The following DDX60 variants were observed in gnomAD, a reference collection of about 807,000 sequenced individuals.
DDX60 encodes the protein DExD/H-box helicase 60.
DDX60 carries 165 observed loss-of-function variants against 212.8 expected under a neutral mutation model. That is an observed-to-expected ratio of 0.78 (90% confidence interval 0.68 to 0.88). The LOEUF (loss-of-function observed/expected upper bound fraction) is 0.88, where lower values mean the gene tolerates loss of function less well. Among genes scored for constraint, DDX60 ranks in the 40% least tolerant of loss-of-function variants. The pLI, the probability that DDX60 is intolerant of heterozygous loss-of-function variation, is 0.00. For synonymous variants in DDX60, 703 were observed against 685.3 expected, an observed-to-expected ratio of 1.03 and a Z score of -0.40; for missense variants, 1,905 against 2,003.9, an observed-to-expected ratio of 0.95 and a Z score of 0.94.
At chr4:168,231,475 A>G (rs554458495) in intron 33 of DDX60, among the ~76,000 whole-genome samples, 3 of 152,170 alleles carry the variant, frequency 2.0e-5, no homozygotes, top group African/African-American at 7.2e-5. Flanking sequence ...ACAAAATACT[A>G]GCAAACAGAA....
At chr4:168,227,308 T>C (rs1733292241) in intron 33 of DDX60, among the ~76,000 whole-genome samples, 1 of 151,950 alleles carries the variant, frequency 6.6e-6, no homozygotes, top group Non-Finnish European at 1.5e-5. Flanking sequence ...TTGTATTTTC[T>C]AGGAATTTGC....
At position 168,311,039 on chromosome 4, in the gene DDX60, C is replaced by T. The variant is rs761843972; in HGVS notation, c.33G>A (p.Gln11=). The T allele has an allele frequency of 9.5e-6, 15 of 1,582,838 alleles. No homozygotes were observed. Among genetic ancestry groups the T allele is most frequent in the Middle Eastern group, 1.7e-4 (1 of 6,012 alleles). MERNVLTTFS[Q]EMSQLILNEM... ...CATTCAAAATTAACTGGGACATTTCCTGTGAAAATGTTGTAAGAACATTTC... is the reference window on the plus strand; with the variant it reads ...CATTCAAAATTAACTGGGACATTTCTTGTGAAAATGTTGTAAGAACATTTC... Residue 11 remains glutamine (Q), a synonymous_variant, in exon 3 of 38, where the codon CAG becomes CAA. Coordinates refer to ENST00000393743, the MANE Select transcript of DDX60 (RefSeq NM_017631.6).
intron 25 of DDX60, among the ~76,000 whole-genome samples, chr4:168,256,457 T>C (rs147211138): frequency 6.6e-6 from 1 of 152,240 alleles, no homozygotes; most frequent in East Asian, 1.9e-4. Flanking sequence ...AATATAGTGA[T>C]CCATACTTCC....
chr4:168,251,383 G>A (rs1271765808), intron 27 of DDX60, among the ~76,000 whole-genome samples: 6 of 152,202 alleles, frequency 3.9e-5, no homozygotes, highest in Non-Finnish European at 7.3e-5. Flanking sequence ...GGTGGTGAGT[G>A]CATGACTGCT....
chr4:168,255,809 CT>C lies in DDX60; in HGVS notation c.3458del (p.Lys1153SerfsTer28). 2 of 1,608,172 alleles carry C rather than the reference CT, an allele frequency of 1.2e-6. No homozygotes were observed. The highest frequency in any genetic ancestry group is 3.4e-5 in the Admixed American group (2 of 58,748). On this transcript the variant is annotated frameshift_variant, in exon 26 of 38. Coordinates refer to ENST00000393743, the MANE Select transcript of DDX60 (RefSeq NM_017631.6). LOFTEE classifies it high-confidence loss of function. ...AESVSTFLKK[K>X]QETKRPPKAD... is the part of the protein sequence containing the mutation. ...CTTTGGGAGGCCTTTTTGTCTCCTG[CT>C]TTTTCTTTAGGAAAGTGCTCACACT...
intron 25 of DDX60, 76 bp from the exon 26 acceptor site, chr4:168,255,945 A>G: frequency 7.0e-7 from 1 of 1,428,306 alleles, no homozygotes. Flanking sequence ...ATCTACTACT[A>G]TCATCCCGAC....
At chr4:168,218,296 A>G (rs933061272) in intron 37 of DDX60, among the ~76,000 whole-genome samples, 2 of 152,136 alleles carry the variant, frequency 1.3e-5, no homozygotes, top group African/African-American at 2.4e-5. Context: ...ATTCTAGCTC[A>G]CTATTTTTCA....
upstream of DDX60, among the ~76,000 whole-genome samples, chr4:168,322,982 G>T (rs1737635453): frequency 6.6e-6 from 1 of 152,234 alleles, no homozygotes; most frequent in Non-Finnish European, 1.5e-5. Flanking sequence ...AAGTGCAACT[G>T]GTAGGGCTGA....
At chr4:168,290,893 C>T (rs1188019746) in intron 8 of DDX60, among the ~76,000 whole-genome samples, 1 of 152,090 alleles carries the variant, frequency 6.6e-6, no homozygotes, top group Admixed American at 6.5e-5. Context: ...GACTGGCTTC[C>T]TAGTTAATTG....
chr4:168,317,792 T>C (rs143014972), intron 1 of DDX60, among the ~76,000 whole-genome samples: 21 of 152,292 alleles, frequency 1.4e-4, no homozygotes, highest in Non-Finnish European at 2.2e-4. Context: ...AGCCACCTTG[T>C]TGTGAGAAGG....
chr4:168,312,876 G>T (rs1047699108), intron 1 of DDX60, among the ~76,000 whole-genome samples: 1 of 152,116 alleles, frequency 6.6e-6, no homozygotes, highest in Non-Finnish European at 1.5e-5. Flanking sequence ...TAAGTTTAAA[G>T]AAAAATGGAA....
At chr4:168,241,747 G>T (rs72693116) in intron 30 of DDX60, among the ~76,000 whole-genome samples, 8,900 of 152,054 alleles carry the variant, frequency 0.059, 450 homozygotes, top group East Asian at 0.15. Context: ...GCTGACAATG[G>T]GATAGAAATG....
At chr4:168,278,870 A>G (rs1735465049) in intron 14 of DDX60, among the ~76,000 whole-genome samples, 1 of 152,156 alleles carries the variant, frequency 6.6e-6, no homozygotes, top group East Asian at 1.9e-4. Flanking sequence ...AAGAGGCTCC[A>G]TCTGCCAATG....
chr4:168,246,411 A>G lies in DDX60; in HGVS notation c.4164+7T>C, dbSNP rs1156574089. 19 of 1,613,582 alleles carry G rather than the reference A, an allele frequency of 1.2e-5. No individual in the cohort carries two copies. Among genetic ancestry groups the G allele is most frequent in the Non-Finnish European group, 1.5e-5 (18 of 1,179,880 alleles). On this transcript the variant is annotated splice_region_variant and intron_variant, in intron 30 of 37. Coordinates refer to ENST00000393743, the MANE Select transcript of DDX60 (RefSeq NM_017631.6). ...GACTGAACCTCAGGCAGTGTCCAGC[A>G]CGGTACCTTTGCCTTGGCATCCTCT...
At chr4:168,321,907 C>T (rs984484182), upstream of DDX60, among the ~76,000 whole-genome samples, 2 of 152,112 alleles carry the variant, frequency 1.3e-5, no homozygotes, top group Non-Finnish European at 2.9e-5. Context: ...TGAATAGGTT[C>T]AATAGGTTCA....
At position 168,273,401 on chromosome 4, in the gene DDX60, G is replaced by A; in HGVS notation, c.2455-3C>T. ...GCTGCCACTTGATTAACAAGGGCCTGATTGACAAAGAAAAAGATCCATTAG... is the reference window on the plus strand; with the variant it reads ...GCTGCCACTTGATTAACAAGGGCCTAATTGACAAAGAAAAAGATCCATTAG... On this transcript the variant is annotated splice_region_variant and splice_polypyrimidine_tract_variant and intron_variant, in intron 17 of 37. Transcript: ENST00000393743. The A allele has an allele frequency of 6.2e-7, 1 of 1,613,054 alleles. No individual in the cohort carries two copies. The highest frequency in any genetic ancestry group is 1.3e-5 in the African/African-American group (1 of 74,992).
chr4:168,316,998 C>T (rs1415902261), intron 1 of DDX60, among the ~76,000 whole-genome samples: 1 of 135,212 alleles, frequency 7.4e-6, no homozygotes, highest in Non-Finnish European at 1.5e-5. Flanking sequence ...GCAGAGGTTG[C>T]AGTGAACTGA....
chr4:168,280,541 G>A lies in DDX60; in HGVS notation c.1772C>T (p.Ala591Val). 1 of 1,613,804 alleles carries A rather than the reference G, an allele frequency of 6.2e-7. No homozygotes were observed. Among genetic ancestry groups the A allele is most frequent in the Non-Finnish European group, 8.5e-7 (1 of 1,179,946 alleles). Residue 591 changes from alanine (A) to valine (V), a missense_variant, in exon 14 of 38, where the codon GCC becomes GTC. By Grantham distance (64) the Ala-to-Val change is moderately conservative. Coordinates refer to ENST00000393743, the MANE Select transcript of DDX60 (RefSeq NM_017631.6). ...IARENKKRLF[A>V]REEQKEEQKW... is the part of the protein sequence containing the mutation. ...TTGCTCTTCCTTTTGTTCTTCCCTG[G>A]CAAATAACCTTTTCTTATTCTCTCT... is the stretch of plus-strand genomic sequence containing the variant.
intron 14 of DDX60, among the ~76,000 whole-genome samples, chr4:168,279,662 C>T (rs569336315): frequency 6.6e-6 from 1 of 152,284 alleles, no homozygotes; most frequent in South Asian, 2.1e-4. Context: ...ATAATTCATG[C>T]AGCAAGACTG....
Sources: gnomAD v4.1 joint callset for allele counts (sites outside exome capture counted in the v4.1 genomes callset) on GRCh38, gnomAD v4.1.1 for gene constraint, MANE v1.5 for transcripts, NCBI Gene and HGNC (gene_info 2026-07-23, HGNC 2026-07-21) for gene names.